NAA20: variants seen among roughly 807,000 people sequenced by gnomAD.
NAA20 encodes N-alpha-acetyltransferase 20, NatB catalytic subunit.
In NAA20, 24 loss-of-function variants were observed where a neutral mutation model predicts 23.8. The observed-to-expected ratio is 1.01, with a 90% CI of 0.73 to 1.42. The LOEUF (loss-of-function observed/expected upper bound fraction) is 1.42. Among genes scored for constraint, NAA20 ranks in the 40% most tolerant of loss-of-function variants. The pLI, the probability that NAA20 is intolerant of heterozygous loss-of-function variation, is 0.00. For synonymous variants in NAA20, 83 were observed against 77.7 expected (o/e 1.07, Z -0.36); for missense variants, 166 against 223.1 (o/e 0.74, Z 1.63).
At chr20:20,018,132 C>G in intron 1 of NAA20, 7 of 1,575,774 alleles carry the variant, frequency 4.4e-6, no homozygotes, top group South Asian at 1.1e-5. Context: ...TTAGGGGAGG[C>G]TCGCTGTGCC....
Position 20,026,928 on chromosome 20 carries a change from C to T in NAA20, c.305+9C>T. 6.2e-7 allele frequency: 1 copy of T among 1,614,044 alleles called. No homozygotes were observed. Among genetic ancestry groups the T allele is most frequent in the South Asian group, 1.1e-5 (1 of 91,074 alleles). The stretch of plus-strand genomic sequence containing the variant: ...GAGGAGATTTCAGAAAGGTGAGATT[C>T]AGTTTTTCAAATACACTTAGTGATT... On this transcript the variant is annotated intron_variant, in intron 4 of 5. Coordinates refer to ENST00000334982, the MANE Select transcript of NAA20 (RefSeq NM_016100.5).
chr20:20,017,318 G>C (rs1021314894), upstream of NAA20: 325 of 1,582,122 alleles, frequency 2.1e-4, no homozygotes, highest in Non-Finnish European at 1.7e-4. Flanking sequence ...TCGGTTCCGC[G>C]GCGGCCACGC....
chr20:20,022,247 T>C (rs1351789119), intron 1 of NAA20, among the ~76,000 whole-genome samples: 8 of 152,178 alleles, frequency 5.3e-5, no homozygotes, highest in Non-Finnish European at 1.2e-4. Context: ...AGTGAAAAAA[T>C]ATGTAAACAC....
chr20:20,025,606 T>G, intron 2 of NAA20, 71 bp from the exon 3 acceptor site: 1 of 1,176,348 alleles, frequency 8.5e-7, no homozygotes, highest in Non-Finnish European at 1.3e-6. Context: ...AAGGAAACTT[T>G]TTTTACAATA....
intron 4 of NAA20, among the ~76,000 whole-genome samples, chr20:20,029,525 G>A (rs1226062201): frequency 1.3e-5 from 2 of 151,530 alleles, no homozygotes; most frequent in Non-Finnish European, 2.9e-5. Flanking sequence ...GCTGAGGCAG[G>A]AGAATTGCTT....
At chr20:20,020,721 A>G (rs373281799) in intron 1 of NAA20, among the ~76,000 whole-genome samples, 2 of 152,236 alleles carry the variant, frequency 1.3e-5, no homozygotes, top group East Asian at 1.9e-4. Context: ...TAGGGCATCA[A>G]GTGTTCAAGT....
intron 1 of NAA20, 28 bp downstream of exon 1, chr20:20,017,477 G>A (rs765017523): frequency 1.9e-6 from 3 of 1,589,236 alleles, no homozygotes; most frequent in Middle Eastern, 1.7e-4. Flanking sequence ...AGGGCCAGCC[G>A]CTCTTGGCCG....
chr20:20,020,703 T>C (rs778449013), intron 1 of NAA20, among the ~76,000 whole-genome samples: 17 of 152,152 alleles, frequency 1.1e-4, no homozygotes, highest in Non-Finnish European at 1.9e-4. Flanking sequence ...GTTTGTAAGA[T>C]GGCGCCTTAG....
intron 2 of NAA20, among the ~76,000 whole-genome samples, chr20:20,023,312 CAA>C (rs377441191): frequency 1.6e-4 from 18 of 115,652 alleles, no homozygotes; most frequent in East Asian, 2.9e-4. Context: ...GACTCCGTCT[CAA>C]AAAAAAAAAA....
intron 1 of NAA20, chr20:20,018,051 T>C (rs777633211): frequency 6.2e-7 from 1 of 1,614,214 alleles, no homozygotes; most frequent in Non-Finnish European, 8.5e-7. Context: ...GGTTAGTGTT[T>C]GCAAGTTTAG....
In NAA20 at chr20:20,033,265, C is replaced by CT. The variant is rs2043361753; in HGVS notation, c.*79dup. The CT allele has an allele frequency of 8.6e-7, 1 of 1,158,484 alleles. No homozygotes were observed. The allele number at this position is 1,158,484 out of a possible 1,614,324, so 71.8% of individuals were successfully genotyped here. ...ATTTTCATTGGATGATTCTGGAGCT[C>CT]TATTAGGAGAAAAGTAATCATTTTA... On this transcript the variant is annotated 3_prime_UTR_variant, in exon 6 of 6. Coordinates refer to ENST00000334982, the MANE Select transcript of NAA20 (RefSeq NM_016100.5).
At chr20:20,029,303 A>G (rs1260860803) in intron 4 of NAA20, among the ~76,000 whole-genome samples, 2 of 152,202 alleles carry the variant, frequency 1.3e-5, no homozygotes, top group African/African-American at 2.4e-5. Flanking sequence ...GTCACTGCAT[A>G]TTGATAAAAT....
At chr20:20,029,376 G>A (rs1451688521) in intron 4 of NAA20, among the ~76,000 whole-genome samples, 1 of 152,052 alleles carries the variant, frequency 6.6e-6, no homozygotes, top group Admixed American at 6.6e-5. Context: ...CAGCACCTTG[G>A]GAGGCCGAGA....
chr20:20,017,366 G>T lies in NAA20; in HGVS notation c.-31G>T. On this transcript the variant is annotated 5_prime_UTR_variant, in exon 1 of 6. Transcript: ENST00000334982. The stretch of plus-strand genomic sequence containing the variant: ...CCGGCAGGGCGGGCGCGGGGTCTTG[G>T]CGAACGGTCTTCGGAAGCGGCGGCG... The T allele has an allele frequency of 6.2e-7, 1 of 1,610,402 alleles. No individual in the cohort carries two copies. The highest frequency in any genetic ancestry group is 8.5e-7 in the Non-Finnish European group (1 of 1,178,996).
chr20:20,027,635 C>A (rs538013261), intron 4 of NAA20, among the ~76,000 whole-genome samples: 4 of 152,208 alleles, frequency 2.6e-5, no homozygotes, highest in Non-Finnish European at 5.9e-5. Context: ...TTGCCAATAT[C>A]TGACATGTAA....
chr20:20,017,376 T>C lies in NAA20; in HGVS notation c.-21T>C, dbSNP rs1187150980. The stretch of plus-strand genomic sequence containing the variant: ...GGGCGCGGGGTCTTGGCGAACGGTC[T>C]TCGGAAGCGGCGGCGGCGCGATGAC... On this transcript the variant is annotated 5_prime_UTR_variant, in exon 1 of 6. Transcript: ENST00000334982. 28 of 1,611,176 alleles carry C rather than the reference T, an allele frequency of 1.7e-5. No homozygotes were observed. Among genetic ancestry groups the C allele is most frequent in the Non-Finnish European group, 2.0e-5 (24 of 1,179,258 alleles).
At chr20:20,033,004 G>A in intron 5 of NAA20, 98 bp from the exon 6 acceptor site, 3 of 935,858 alleles carry the variant, frequency 3.2e-6, no homozygotes, top group Admixed American at 2.1e-5. Context: ...GTGAAGTGGG[G>A]GTAGGGATAA....
At position 20,026,891 on chromosome 20, in the gene NAA20, A is replaced by G. The variant is rs901305251; in HGVS notation, c.277A>G (p.Met93Val). 6.2e-7 allele frequency: 1 copy of G among 1,614,188 alleles called. No homozygotes were observed. The highest frequency in any genetic ancestry group is 1.7e-5 in the Admixed American group (1 of 60,028). Residue 93 changes from methionine to valine, a missense_variant, in exon 4 of 6, where the codon ATG (methionine) becomes GTG (valine). Transcript: ENST00000334982. ...FRRLGLAAKL[M>V]ELLEEISERK... The stretch of plus-strand genomic sequence containing the variant: ...ACGCCTTGGTTTGGCTGCTAAACTT[A>G]TGGAGTTACTAGAGGAGATTTCAGA...
chr20:20,018,142 C>T (rs2043244252), intron 1 of NAA20: 2 of 1,545,798 alleles, frequency 1.3e-6, no homozygotes, highest in Admixed American at 1.7e-5. Flanking sequence ...CTCGCTGTGC[C>T]CAGAGCCCTG....
Sources: allele counts gnomAD v4.1 joint callset (sites outside exome capture counted in the v4.1 genomes callset), GRCh38; gene constraint gnomAD v4.1.1; transcripts MANE v1.5; gene names NCBI Gene and HGNC (gene_info 2026-07-23, HGNC 2026-07-21).